Variants in AGBL4 observed in about 807,000 individuals in gnomAD.
The protein encoded by AGBL4 is AGBL carboxypeptidase 4.
In AGBL4, 58 loss-of-function variants were observed where a neutral mutation model predicts 66.4. That is an observed-to-expected ratio of 0.87 (90% CI 0.71 to 1.09). AGBL4 has a LOEUF of 1.09. Ranked by LOEUF, AGBL4 falls within the 50% of genes least tolerant of loss-of-function variation. AGBL4 has a pLI of 0.00. For missense variants in AGBL4, 579 were observed against 631.0 expected (o/e 0.92, Z 0.88); for synonymous variants, 234 against 222.9 (o/e 1.05, Z -0.44).
chr1:49,049,633 C>T (rs1431805383), intron 4 of AGBL4, among the ~76,000 whole-genome samples: 1 of 151,888 alleles, frequency 6.6e-6, no homozygotes, highest in Non-Finnish European at 1.5e-5. Context: ...GTAGGTATCA[C>T]AAGAAGGCAG....
At chr1:49,795,926 A>C (rs1323932311) in intron 2 of AGBL4, among the ~76,000 whole-genome samples, 1 of 152,042 alleles carries the variant, frequency 6.6e-6, no homozygotes, top group Non-Finnish European at 1.5e-5. Context: ...GATACAATGA[A>C]TAATCAATAT....
chr1:49,439,678 C>A (rs1645981521), intron 3 of AGBL4, among the ~76,000 whole-genome samples: 1 of 152,214 alleles, frequency 6.6e-6, no homozygotes, highest in East Asian at 1.9e-4. Flanking sequence ...GCCAGTGCAG[C>A]TAGAATATAA....
chr1:48,927,347 C>T (rs756027378), intron 5 of AGBL4, among the ~76,000 whole-genome samples: 1 of 152,058 alleles, frequency 6.6e-6, no homozygotes, highest in Non-Finnish European at 1.5e-5. Flanking sequence ...GGTAACTCCG[C>T]TTTATAAAAC....
At chr1:49,129,146 C>T (rs1645829510) in intron 4 of AGBL4, among the ~76,000 whole-genome samples, 1 of 151,924 alleles carries the variant, frequency 6.6e-6, no homozygotes, top group East Asian at 1.9e-4. Context: ...ATTGAAACAA[C>T]ATTGAATACT....
intron 3 of AGBL4, among the ~76,000 whole-genome samples, chr1:49,675,859 A>C (rs1288063383): frequency 2.0e-5 from 3 of 152,068 alleles, no homozygotes; most frequent in African/African-American, 7.2e-5. Context: ...AATTTTACAG[A>C]TCTGAATCTG....
intron 3 of AGBL4, among the ~76,000 whole-genome samples, chr1:49,440,264 T>G (rs1186557384): frequency 1.3e-5 from 2 of 152,014 alleles, no homozygotes; most frequent in Non-Finnish European, 2.9e-5. Flanking sequence ...GAGACAGGGT[T>G]TCACTGTGTT....
intron 6 of AGBL4, among the ~76,000 whole-genome samples, chr1:48,782,803 G>C (rs999892019): frequency 6.6e-6 from 1 of 152,116 alleles, no homozygotes; most frequent in African/African-American, 2.4e-5. Context: ...TTACATTTGA[G>C]TTCACTCTTG....
intron 3 of AGBL4, among the ~76,000 whole-genome samples, chr1:49,692,318 T>C (rs1271883300): frequency 1.3e-5 from 2 of 152,138 alleles, no homozygotes; most frequent in South Asian, 2.1e-4. Flanking sequence ...TTTAAATCCA[T>C]TGTCTGTGCT....
At chr1:49,787,490 G>T (rs1331454476) in intron 2 of AGBL4, among the ~76,000 whole-genome samples, 1 of 146,420 alleles carries the variant, frequency 6.8e-6, no homozygotes, top group Non-Finnish European at 1.5e-5. Context: ...GCGACAGAGC[G>T]AGACTCTGTC....
chr1:49,700,401 C>A (rs1003019440), intron 2 of AGBL4, among the ~76,000 whole-genome samples: 11 of 151,664 alleles, frequency 7.3e-5, no homozygotes, highest in Non-Finnish European at 1.2e-4. Context: ...ATAGATTAAT[C>A]TAGAATCAAA....
chr1:49,301,624 T>C (rs1490753170), intron 3 of AGBL4, among the ~76,000 whole-genome samples: 1 of 152,240 alleles, frequency 6.6e-6, no homozygotes, highest in South Asian at 2.1e-4. Flanking sequence ...CATCGTTTCC[T>C]AGTTTGCTTC....
rs143403726 is a variant in AGBL4, at chr1:48,706,361, T to C, written c.635-43120A>G. Among the ~76,000 whole-genome samples, 122 of 152,274 alleles carry C rather than the reference T, an allele frequency of 8.0e-4. 2 individuals carry two copies. The East Asian group carries it at 0.011, about 14-fold the overall frequency. On this transcript the variant is annotated intron_variant, in intron 6 of 13. Coordinates refer to ENST00000371839, the MANE Select transcript of AGBL4 (RefSeq NM_032785.4). Reference sequence around the variant, plus strand: ...ATAAATGAATTTGGTAAATTCCAAATGATAAAAAGATATACAATTTTCATT... The same window carrying C: ...ATAAATGAATTTGGTAAATTCCAAACGATAAAAAGATATACAATTTTCATT...
intron 4 of AGBL4, among the ~76,000 whole-genome samples, chr1:49,078,802 C>T (rs78522594): frequency 0.045 from 6,797 of 152,230 alleles, 203 homozygotes; most frequent in East Asian, 0.11. Flanking sequence ...CCCTTCACTG[C>T]GCAATTCAGT....
At chr1:49,946,818 C>T (rs1267789459) in intron 1 of AGBL4, among the ~76,000 whole-genome samples, 1 of 151,468 alleles carries the variant, frequency 6.6e-6, no homozygotes, top group East Asian at 1.9e-4. Flanking sequence ...CCAAGAATAA[C>T]CAAGAAAACA....
intron 1 of AGBL4, among the ~76,000 whole-genome samples, chr1:49,930,003 G>C (rs1444799262): frequency 6.6e-6 from 1 of 151,608 alleles, no homozygotes; most frequent in Non-Finnish European, 1.5e-5. Context: ...TAAACAAAGA[G>C]AATAAAGTGA....
intron 6 of AGBL4, among the ~76,000 whole-genome samples, chr1:48,745,874 T>C (rs575634347): frequency 6.6e-6 from 1 of 152,182 alleles, no homozygotes; most frequent in South Asian, 2.1e-4. Flanking sequence ...GCCCCTACTC[T>C]ACCATAATAA....
At chr1:48,711,535 C>T (rs565286522) in intron 6 of AGBL4, among the ~76,000 whole-genome samples, 118 of 152,304 alleles carry the variant, frequency 7.7e-4, no homozygotes, top group African/African-American at 2.8e-3. Flanking sequence ...TCTGTTCCTG[C>T]TAATTAACAG....
intron 3 of AGBL4, among the ~76,000 whole-genome samples, chr1:49,671,072 C>A (rs1447859235): frequency 6.6e-6 from 1 of 152,114 alleles, no homozygotes; most frequent in African/African-American, 2.4e-5. Context: ...ATCATGTTAT[C>A]TGAATTTAAA....
At position 50,009,473 on chromosome 1, in the gene AGBL4, TA is replaced by T. The variant is rs76442066; in HGVS notation, c.34+14289del. ...GATAAAATTCAACATCCTTTCATGA[TA>T]AAAAAAAAAAACTCAAAAAACTGGA... On this transcript the variant is annotated intron_variant, in intron 1 of 13. Transcript: ENST00000371839. Among the ~76,000 whole-genome samples, 314 of 137,748 alleles carry T rather than the reference TA, an allele frequency of 2.3e-3. 2 individuals are homozygous for T. Among genetic ancestry groups the T allele is most frequent in the South Asian group, 0.014 (60 of 4,378 alleles). 90.4% of individuals were successfully genotyped at this position (137,748 alleles called of 152,430 possible).
Sources: gnomAD v4.1 joint callset for allele counts (sites outside exome capture counted in the v4.1 genomes callset) on GRCh38, gnomAD v4.1.1 for gene constraint, MANE v1.5 for transcripts, NCBI Gene and HGNC (gene_info 2026-07-23, HGNC 2026-07-21) for gene names.